Variants in POLR2C observed in about 807,000 individuals in gnomAD.
POLR2C encodes the protein DNA-directed RNA polymerase II subunit RPB3.
Under a neutral mutation model 41.7 loss-of-function variants are expected in POLR2C, and 36 were observed. That is an observed-to-expected ratio of 0.86 (90% CI 0.66 to 1.14). POLR2C has a LOEUF of 1.14. POLR2C is among the 50% of genes most tolerant of loss of function. The pLI, the probability that POLR2C is intolerant of heterozygous loss-of-function variation, is 0.00. For synonymous variants in POLR2C, 133 were observed against 137.8 expected (o/e 0.96, Z 0.25); for missense variants, 260 against 350.4 (o/e 0.74, Z 2.06).
Position 57,470,138 on chromosome 16 carries a change from C to T in POLR2C, c.608+9C>T. ...CCCAAGCCCGAGGAATGGTATGTTC[C>T]CCTTAGGAGTGATGGCAGGCATTTG... On this transcript the variant is annotated intron_variant, in intron 7 of 8. Coordinates refer to ENST00000219252, the MANE Select transcript of POLR2C (RefSeq NM_032940.3). 1 of 1,607,152 alleles carries T rather than the reference C, an allele frequency of 6.2e-7. No individual in the cohort carries two copies. Among genetic ancestry groups the T allele is most frequent in the East Asian group, 2.2e-5 (1 of 44,778 alleles).
At position 57,469,776 on chromosome 16, in the gene POLR2C, C is replaced by T. The variant is rs772319151; in HGVS notation, c.439+15C>T. 1 of 1,609,920 alleles carries T rather than the reference C, an allele frequency of 6.2e-7. No homozygotes were observed. Among genetic ancestry groups the T allele is most frequent in the Non-Finnish European group, 8.5e-7 (1 of 1,177,818 alleles). ...GGAGCAGGATGGTAAGTCTTCCTGA[C>T]CTGTCACCGTGTGGGCCAGCGGGAA... On this transcript the variant is annotated intron_variant, in intron 6 of 8. Transcript: ENST00000219252. The surrounding 1 kb of genome is among the most constrained non-coding windows in gnomAD (Gnocchi z 5.8).
Position 57,471,173 on chromosome 16 carries a change from G to A in POLR2C, c.*54G>A. 6.6e-7 allele frequency: 1 copy of A among 1,511,780 alleles called. No individual in the cohort carries two copies. Among genetic ancestry groups the A allele is most frequent in the Admixed American group, 1.7e-5 (1 of 59,548 alleles). 93.6% of individuals were successfully genotyped at this position (1,511,780 alleles called of 1,614,324 possible). ...GAGATTCAGGCCAGCAGCTGGATAT[G>A]GGGGTCTCTCTTCAGACTCTTCTCG... On this transcript the variant is annotated 3_prime_UTR_variant, in exon 9 of 9. Coordinates refer to ENST00000219252, the MANE Select transcript of POLR2C (RefSeq NM_032940.3).
At position 57,463,035 on chromosome 16, in the gene POLR2C, C is replaced by T. The variant is rs1395299287; in HGVS notation, c.93C>T (p.Ala31=). 1 of 1,584,328 alleles carries T rather than the reference C, an allele frequency of 6.3e-7. No individual in the cohort carries two copies. The highest frequency in any genetic ancestry group is 8.6e-7 in the Non-Finnish European group (1 of 1,160,036). ...TTGGCTTTTGATCTTTCAGGGTGGC[C>T]AATTCGATTCGGAGGGTCTTCATCG... The part of the protein sequence containing the change: ...FIIENTDLAV[A]NSIRRVFIAE... The change falls in exon 2 of 9, where the codon GCC becomes GCT. Residue 31 remains alanine (A), a synonymous_variant. Coordinates refer to ENST00000219252, the MANE Select transcript of POLR2C (RefSeq NM_032940.3).
chr16:57,470,448 G>A (rs1265461332), intron 8 of POLR2C, 94 bp downstream of exon 8: 33 of 886,828 alleles, frequency 3.7e-5, no homozygotes, highest in Non-Finnish European at 5.3e-5. Flanking sequence ...CCCCCACCTC[G>A]CAGTTCTCAT....
chr16:57,469,151 C>T lies in POLR2C; in HGVS notation c.259-14C>T, dbSNP rs750779808. The T allele has an allele frequency of 2.5e-6, 4 of 1,606,106 alleles. No individual in the cohort carries two copies. The highest frequency in any genetic ancestry group is 2.6e-6 in the Non-Finnish European group (3 of 1,174,920). ...TCTCCCTTTGACTCATTCCTGCTTC[C>T]CTTCCTGCCTTAGGACTGCACATGT... On this transcript the variant is annotated splice_polypyrimidine_tract_variant and intron_variant, in intron 4 of 8. Transcript: ENST00000219252. This position sits in a 1 kb window ranked among gnomAD's most constrained non-coding sequence, Gnocchi z 5.8.
At chr16:57,467,410 T>C (rs1467972858) in intron 4 of POLR2C, among the ~76,000 whole-genome samples, 2 of 152,186 alleles carry the variant, frequency 1.3e-5, no homozygotes, top group African/African-American at 2.4e-5. Flanking sequence ...GTACAACCAA[T>C]TAAGAGCAAT....
chr16:57,468,841 T>C (rs2030765093), intron 4 of POLR2C, among the ~76,000 whole-genome samples: 1 of 152,208 alleles, frequency 6.6e-6, no homozygotes, highest in Admixed American at 6.5e-5. Context: ...CTGTGCCTCA[T>C]AGCCTTGGTT....
At chr16:57,467,792 T>C (rs1019769831) in intron 4 of POLR2C, among the ~76,000 whole-genome samples, 2 of 152,208 alleles carry the variant, frequency 1.3e-5, no homozygotes, top group Non-Finnish European at 2.9e-5. Flanking sequence ...GTAATATCAA[T>C]ATTCAGATTT....
At chr16:57,467,029 C>G (rs991149231) in intron 4 of POLR2C, among the ~76,000 whole-genome samples, 1 of 152,154 alleles carries the variant, frequency 6.6e-6, no homozygotes, top group Non-Finnish European at 1.5e-5. Context: ...GTCAGGAGAT[C>G]GAGACCATCC....
chr16:57,464,268 C>G (rs1372241525), intron 2 of POLR2C, among the ~76,000 whole-genome samples: 1 of 152,192 alleles, frequency 6.6e-6, no homozygotes, highest in East Asian at 1.9e-4. Context: ...TGGTGGTAAG[C>G]TCTGGGAATG....
chr16:57,463,677 C>T (rs2030636815), intron 2 of POLR2C: 4 of 453,156 alleles, frequency 8.8e-6, no homozygotes, highest in Middle Eastern at 3.6e-4. Flanking sequence ...CCAGGCCGCG[C>T]TCGCGCCTGT....
intron 4 of POLR2C, among the ~76,000 whole-genome samples, chr16:57,466,693 C>G (rs1258404840): frequency 6.6e-6 from 1 of 152,138 alleles, no homozygotes; most frequent in Non-Finnish European, 1.5e-5. Flanking sequence ...GTGTCTCACC[C>G]CCTTCCTCCT....
chr16:57,470,380 G>T, intron 8 of POLR2C, 26 bp downstream of exon 8: 1 of 1,546,180 alleles, frequency 6.5e-7, no homozygotes, highest in South Asian at 1.2e-5. Context: ...GACATGGGAA[G>T]GTGAAGTGTG....
chr16:57,462,681 A>G lies in POLR2C; in HGVS notation c.-44A>G. The G allele has an allele frequency of 6.9e-7, 1 of 1,446,094 alleles. No homozygotes were observed. Among genetic ancestry groups the G allele is most frequent in the Non-Finnish European group, 9.5e-7 (1 of 1,049,654 alleles). The allele number at this position is 1,446,094 out of a possible 1,614,324, so 89.6% of individuals were successfully genotyped here. A position where few individuals can be genotyped will look rare whatever the true frequency, so the allele number is the denominator to read the frequency against. On this transcript the variant is annotated 5_prime_UTR_variant, in exon 1 of 9. Coordinates refer to ENST00000219252, the MANE Select transcript of POLR2C (RefSeq NM_032940.3). ...TCCGGTGTTGGCGGTGGCGCCGCGCAGTCACCGCGGAGCAGACGCGGAGGC... is the reference window on the plus strand; with the variant it reads ...TCCGGTGTTGGCGGTGGCGCCGCGCGGTCACCGCGGAGCAGACGCGGAGGC...
chr16:57,471,252 C>A lies in POLR2C; in HGVS notation c.*133C>A. ...GAGCTTCTTGGCAGGACATCAGTAC[C>A]AACTAGAAGTGGGTCATAGATAGAT... On this transcript the variant is annotated 3_prime_UTR_variant, in exon 9 of 9. Coordinates refer to ENST00000219252, the MANE Select transcript of POLR2C (RefSeq NM_032940.3). 2.7e-6 allele frequency: 2 copies of A among 732,596 alleles called. No homozygotes were observed. The highest frequency in any genetic ancestry group is 4.6e-6 in the Non-Finnish European group (2 of 433,378). 45.4% of individuals were successfully genotyped at this position (732,596 alleles called of 1,614,324 possible).
Position 57,471,253 on chromosome 16 carries a change from A to T in POLR2C, c.*134A>T, listed in dbSNP as rs750541933. ...AGCTTCTTGGCAGGACATCAGTACC[A>T]ACTAGAAGTGGGTCATAGATAGATT... On this transcript the variant is annotated 3_prime_UTR_variant, in exon 9 of 9. Coordinates refer to ENST00000219252, the MANE Select transcript of POLR2C (RefSeq NM_032940.3). The T allele has an allele frequency of 4.1e-5, 30 of 723,598 alleles. No homozygotes were observed. Among genetic ancestry groups the T allele is most frequent in the Non-Finnish European group, 6.3e-5 (27 of 425,616 alleles). The allele number at this position is 723,598 out of a possible 1,614,324, so 44.8% of individuals were successfully genotyped here.
Position 57,462,936 on chromosome 16 carries a change from C to T in POLR2C, c.87-93C>T, listed in dbSNP as rs576369848. ...GCGATGTCCTTCCAGAGCTGCCCCCCTGCACCAGGGCTTTAGCTTTGGGAG... is the reference window on the plus strand; with the variant it reads ...GCGATGTCCTTCCAGAGCTGCCCCCTTGCACCAGGGCTTTAGCTTTGGGAG... On this transcript the variant is annotated intron_variant, in intron 1 of 8. Coordinates refer to ENST00000219252, the MANE Select transcript of POLR2C (RefSeq NM_032940.3). 4.1e-6 allele frequency: 5 copies of T among 1,219,726 alleles called. No individual in the cohort carries two copies. The South Asian group carries it at 7.0e-5, about 17-fold the overall frequency. 75.6% of individuals were successfully genotyped at this position (1,219,726 alleles called of 1,614,324 possible).
intron 2 of POLR2C, 63 bp downstream of exon 2, chr16:57,463,141 A>T (rs940384374): frequency 2.2e-5 from 28 of 1,271,464 alleles, no homozygotes; most frequent in Non-Finnish European, 2.9e-5. Flanking sequence ...CCACCCACAC[A>T]CTCTTTGGGG....
chr16:57,466,332 C>T, intron 4 of POLR2C, 105 bp downstream of exon 4: 1 of 764,916 alleles, frequency 1.3e-6, no homozygotes, highest in African/African-American at 1.8e-5. Flanking sequence ...TGTTGTAGTT[C>T]TGGAACAACA....
Sources: gnomAD v4.1 joint callset for allele counts (sites outside exome capture counted in the v4.1 genomes callset) on GRCh38, gnomAD v4.1.1 for gene constraint, Gnocchi (gnomAD v3.1) non-coding constraint, MANE v1.5 for transcripts, NCBI Gene and HGNC (gene_info 2026-07-23, HGNC 2026-07-21) for gene names.